Variants in ZC3H3 observed in about 807,000 individuals in gnomAD.
ZC3H3 encodes zinc finger CCCH domain-containing protein 3.
In ZC3H3, 36 loss-of-function variants were observed where a neutral mutation model predicts 77.3. The ratio of observed to expected loss-of-function variants is 0.47; its 90% CI spans 0.36 to 0.61. The LOEUF is 0.61. Ranked by LOEUF, ZC3H3 falls within the 20% of genes least tolerant of loss-of-function variation. ZC3H3 has a pLI of 0.00. For synonymous variants in ZC3H3, 626 were observed against 555.2 expected (o/e 1.13, Z -1.79); for missense variants, 1,331 against 1,312.2 (o/e 1.01, Z -0.22).
At chr8:143,492,408 C>T (rs1447108373) in intron 4 of ZC3H3, among the ~76,000 whole-genome samples, 3 of 152,142 alleles carry the variant, frequency 2.0e-5, no homozygotes, top group Non-Finnish European at 4.4e-5. Flanking sequence ...CCCCCACCAT[C>T]TGGACCCTCA....
chr8:143,459,422 G>GCA (rs1244315024), intron 9 of ZC3H3, among the ~76,000 whole-genome samples: 116 of 152,190 alleles, frequency 7.6e-4, no homozygotes, highest in African/African-American at 2.5e-3. Context: ...GGCAGCGCGT[G>GCA]CCTGAAATCC....
chr8:143,510,045 G>C (rs1821823942), intron 3 of ZC3H3, among the ~76,000 whole-genome samples: 1 of 152,232 alleles, frequency 6.6e-6, no homozygotes, highest in South Asian at 2.1e-4. Context: ...GCAGGGCCTG[G>C]CGGGCGGCGG....
intron 9 of ZC3H3, among the ~76,000 whole-genome samples, chr8:143,445,342 T>C (rs570947741): frequency 1.0e-4 from 15 of 150,462 alleles, no homozygotes; most frequent in South Asian, 4.2e-4. Context: ...GACTGCACCA[T>C]TGTAGTCCAG....
intron 3 of ZC3H3, among the ~76,000 whole-genome samples, chr8:143,529,805 C>T (rs370311112): frequency 6.6e-6 from 1 of 152,326 alleles, no homozygotes; most frequent in African/African-American, 2.4e-5. Flanking sequence ...TGAGGGCCAA[C>T]AGCTCACACA....
chr8:143,478,888 G>A (rs1456892238), intron 4 of ZC3H3, among the ~76,000 whole-genome samples: 1 of 152,218 alleles, frequency 6.6e-6, no homozygotes, highest in Admixed American at 6.5e-5. Context: ...ACACCTTACT[G>A]GAGTGTGAGA....
intron 3 of ZC3H3, among the ~76,000 whole-genome samples, chr8:143,521,683 C>T (rs1383601356): frequency 6.6e-6 from 1 of 152,208 alleles, no homozygotes; most frequent in African/African-American, 2.4e-5. Context: ...TTCTCACCAC[C>T]CCACAGCCGT....
chr8:143,539,975 A>G (rs977314724), intron 1 of ZC3H3, among the ~76,000 whole-genome samples: 4 of 152,222 alleles, frequency 2.6e-5, no homozygotes, highest in African/African-American at 7.2e-5. Flanking sequence ...CCAGGAACAC[A>G]GGCAAGGGCG....
intron 11 of ZC3H3, among the ~76,000 whole-genome samples, chr8:143,439,122 T>A (rs1015253942): frequency 2.8e-5 from 4 of 145,352 alleles, no homozygotes; most frequent in Non-Finnish European, 1.5e-5. Context: ...AAAAAAAAAA[T>A]ACAAGTCGCT....
chr8:143,475,914 G>A (rs975884470), intron 4 of ZC3H3, among the ~76,000 whole-genome samples: 8 of 152,166 alleles, frequency 5.3e-5, no homozygotes, highest in African/African-American at 1.7e-4. Context: ...AGAGGGCAGC[G>A]TCGTCCTCCA....
chr8:143,484,038 G>T (rs867314741), intron 4 of ZC3H3, among the ~76,000 whole-genome samples: 14 of 151,884 alleles, frequency 9.2e-5, no homozygotes, highest in African/African-American at 3.4e-4. Flanking sequence ...TGCACCAGCG[G>T]CCAGGGGCGC....
chr8:143,508,359 C>A (rs1482307579), intron 3 of ZC3H3, among the ~76,000 whole-genome samples: 1 of 152,236 alleles, frequency 6.6e-6, no homozygotes, highest in African/African-American at 2.4e-5. Flanking sequence ...GGCCTGTGCC[C>A]TGCACAGGGG....
Position 143,533,024 on chromosome 8 carries a change from G to A in ZC3H3, c.1561+3233C>T, listed in dbSNP as rs1389262586. On this transcript the variant is annotated intron_variant, in intron 3 of 11. Coordinates refer to ENST00000262577, the MANE Select transcript of ZC3H3 (RefSeq NM_015117.3). This position sits in a 1 kb window ranked among gnomAD's most constrained non-coding sequence, Gnocchi z 4.0. ...CTTGGCCTGGCGTCAGTGGCCTCAC[G>A]CACAGGTCCTCCCGACTCTGCCCAC... Among the ~76,000 whole-genome samples the A allele has an allele frequency of 6.6e-6, 1 of 152,050 alleles. No individual in the cohort carries two copies. The highest frequency in any genetic ancestry group is 1.5e-5 in the Non-Finnish European group (1 of 67,990).
At chr8:143,508,358 C>T (rs1821771668) in intron 3 of ZC3H3, among the ~76,000 whole-genome samples, 1 of 152,216 alleles carries the variant, frequency 6.6e-6, no homozygotes, top group Non-Finnish European at 1.5e-5. Flanking sequence ...TGGCCTGTGC[C>T]CTGCACAGGG....
chr8:143,467,025 A>G (rs181404767), intron 8 of ZC3H3, among the ~76,000 whole-genome samples: 1,811 of 152,224 alleles, frequency 0.012, 41 homozygotes, highest in African/African-American at 0.041. Context: ...GGAGGGAGGG[A>G]GAAGGCAAAG....
At position 143,538,102 on chromosome 8, in the gene ZC3H3, A is replaced by G. The variant is rs148863521; in HGVS notation, c.1265T>C (p.Val422Ala). The change falls in exon 2 of 12, where the codon GTA (valine) becomes GCA (alanine). Residue 422 changes from valine (V) to alanine (A), a missense_variant. Coordinates refer to ENST00000262577, the MANE Select transcript of ZC3H3 (RefSeq NM_015117.3). ...GAGGGGCTTCAAGCCACTGTGTCCT[A>G]CTGCTGGTCTGTCCCCCGACGGGGA... Reference protein sequence around the residue: ...SRSPSGDRPAVGHSGLKPLSG... With the variant: ...SRSPSGDRPAAGHSGLKPLSG... The G allele has an allele frequency of 1.7e-5, 27 of 1,613,118 alleles. No homozygotes were observed. The East Asian group carries it at 6.0e-4, about 36-fold the overall frequency.
intron 5 of ZC3H3, among the ~76,000 whole-genome samples, chr8:143,469,775 G>T (rs1002001573): frequency 1.3e-5 from 2 of 152,312 alleles, no homozygotes; most frequent in East Asian, 3.9e-4. Context: ...GGATCACGGG[G>T]TGGGCAGGGC....
At chr8:143,478,326 C>T (rs1820801190) in intron 4 of ZC3H3, among the ~76,000 whole-genome samples, 1 of 152,198 alleles carries the variant, frequency 6.6e-6, no homozygotes, top group Non-Finnish European at 1.5e-5. Flanking sequence ...CTCCCCTCCC[C>T]CAGGGGCAGC....
intron 4 of ZC3H3, among the ~76,000 whole-genome samples, chr8:143,489,158 T>C (rs936277316): frequency 1.8e-4 from 28 of 152,178 alleles, no homozygotes; most frequent in African/African-American, 6.5e-4. Context: ...CCTGGCCAAA[T>C]GTCATTGCCT....
chr8:143,536,415 G>C lies in ZC3H3; in HGVS notation c.1403C>G (p.Ala468Gly), dbSNP rs779037481. 2 of 1,552,500 alleles carry C rather than the reference G, an allele frequency of 1.3e-6. No individual in the cohort carries two copies. The highest frequency in any genetic ancestry group is 2.4e-5 in the South Asian group (2 of 85,046). Residue 468 changes from alanine to glycine, a missense_variant, in exon 3 of 12, where the codon GCC becomes GGC. Around this residue, in one of 3 missense-constraint regions of ZC3H3, gnomAD observed 978 missense variants for 915.5 expected, o/e 1.07. Transcript: ENST00000262577. Reference protein sequence around the residue: ...GDKKSGTSPAATAKSHLSLRR... With the variant: ...GDKKSGTSPAGTAKSHLSLRR... Reference sequence around the variant, plus strand: ...GAGGCTGAGGTGGCTCTTGGCGGTGGCGGCAGGTGAGGTGCCGCTTTTCTT... The same window carrying C: ...GAGGCTGAGGTGGCTCTTGGCGGTGCCGGCAGGTGAGGTGCCGCTTTTCTT...
Sources: allele counts gnomAD v4.1 joint callset (sites outside exome capture counted in the v4.1 genomes callset), GRCh38; gene constraint gnomAD v4.1.1; regional missense constraint gnomAD v4.1.1; non-coding constraint Gnocchi (gnomAD v3.1); transcripts MANE v1.5; gene names NCBI Gene and HGNC (gene_info 2026-07-23, HGNC 2026-07-21).